Variants in NT5E observed in about 807,000 individuals in gnomAD.
NT5E encodes the protein 5'-nucleotidase ecto, also known as 5'-nucleotidase.
NT5E carries 53 observed loss-of-function variants against 55.1 expected under a neutral mutation model. The observed-to-expected ratio is 0.96, with a 90% CI of 0.77 to 1.21. The LOEUF (loss-of-function observed/expected upper bound fraction) is 1.21, where lower values mean the gene tolerates loss of function less well. NT5E is among the 50% of genes most tolerant of loss of function. The pLI is 0.00. For missense variants in NT5E, 683 were observed against 724.3 expected, an observed-to-expected ratio of 0.94 and a Z score of 0.65; for synonymous variants, 270 against 278.4, an observed-to-expected ratio of 0.97 and a Z score of 0.30.
rs775808772 is a variant in NT5E at position 85,487,483 on chromosome 6, T to C, written c.1098T>C (p.Asp366=). ...GCAACATGGGCAACCTGATTTGTGA[T>C]GCAATGGTAAGTCATCAGCAGGAGT... The part of the protein sequence containing the change: ...RECNMGNLIC[D]AMINNNLRHT... Residue 366 remains aspartate (D), a synonymous_variant, in exon 5 of 9, where the codon GAT becomes GAC. Coordinates refer to ENST00000257770, the MANE Select transcript of NT5E (RefSeq NM_002526.4). The C allele has an allele frequency of 4.3e-6, 7 of 1,614,054 alleles. No homozygotes were observed. The African/African-American group carries it at 9.3e-5, about 22-fold the overall frequency.
At chr6:85,466,597 A>G (rs1769198660) in intron 1 of NT5E, among the ~76,000 whole-genome samples, 1 of 152,170 alleles carries the variant, frequency 6.6e-6, no homozygotes, top group South Asian at 2.1e-4. Context: ...AGGAGGTGAA[A>G]TGAGGAAGGA....
At position 85,494,959 on chromosome 6, in the gene NT5E, A is replaced by G. The variant is rs1251174779; in HGVS notation, c.*955A>G. ...AGCTGTTATTTTATGAGATTCCATC[A>G]GCTCTGCCTCTGTCCTCTTTCTTCT... On this transcript the variant is annotated 3_prime_UTR_variant, in exon 9 of 9. Coordinates refer to ENST00000257770, the MANE Select transcript of NT5E (RefSeq NM_002526.4). 6.6e-6 allele frequency: 1 copy of G among 152,260 alleles called. No individual in the cohort carries two copies. 9.4% of individuals were successfully genotyped at this position (152,260 alleles called of 1,614,324 possible). A position where few individuals can be genotyped will look rare whatever the true frequency, so the allele number is the denominator to read the frequency against.
rs1360933052 is a variant in NT5E at position 85,471,331 on chromosome 6, A to G, written c.657A>G (p.Gly219=). Residue 219 remains glycine (G), a synonymous_variant, in exon 3 of 9, where the codon GGA becomes GGG. Coordinates refer to ENST00000257770, the MANE Select transcript of NT5E (RefSeq NM_002526.4). ...ATGTGAACAAAATTATTGCACTGGG[A>G]CATTCGGGTTTTGAAATGGATAAAC... ...TLNVNKIIAL[G]HSGFEMDKLI... 6.2e-7 allele frequency: 1 copy of G among 1,613,270 alleles called. No individual in the cohort carries two copies. The highest frequency in any genetic ancestry group is 8.5e-7 in the Non-Finnish European group (1 of 1,179,406).
chr6:85,483,311 A>G (rs1039743347), intron 3 of NT5E, among the ~76,000 whole-genome samples: 5 of 152,214 alleles, frequency 3.3e-5, no homozygotes, highest in African/African-American at 7.2e-5. Flanking sequence ...CCCAGCATCT[A>G]TGATCAGAGG....
At chr6:85,457,236 G>A (rs1309565288) in intron 1 of NT5E, among the ~76,000 whole-genome samples, 1 of 152,236 alleles carries the variant, frequency 6.6e-6, no homozygotes, top group Non-Finnish European at 1.5e-5. Context: ...CCATTGGACT[G>A]TACAGGGCTG....
chr6:85,479,540 T>C (rs1769498739), intron 3 of NT5E, among the ~76,000 whole-genome samples: 2 of 152,152 alleles, frequency 1.3e-5, no homozygotes, highest in Admixed American at 1.3e-4. Flanking sequence ...GAACTGGGCA[T>C]TCAGACCACT....
chr6:85,486,113 A>T (rs1211528203), intron 4 of NT5E, among the ~76,000 whole-genome samples: 1 of 152,202 alleles, frequency 6.6e-6, no homozygotes, highest in Non-Finnish European at 1.5e-5. Flanking sequence ...GGGTCATTTG[A>T]TTATGAGGTG....
Position 85,494,407 on chromosome 6 carries a change from G to A in NT5E, c.*403G>A. 5.5e-6 allele frequency: 1 copy of A among 182,952 alleles called. No homozygotes were observed. Among genetic ancestry groups the A allele is most frequent in the Non-Finnish European group, 1.2e-5 (1 of 86,556 alleles). The allele number at this position is 182,952 out of a possible 1,614,324, so 11.3% of individuals were successfully genotyped here. ...CATTTGATATCCACAACTTATTTTTGGTAGGAAAGAGAGATGTTTTTCCCA... is the reference window on the plus strand; with the variant it reads ...CATTTGATATCCACAACTTATTTTTAGTAGGAAAGAGAGATGTTTTTCCCA... On this transcript the variant is annotated 3_prime_UTR_variant, in exon 9 of 9. Transcript: ENST00000257770.
chr6:85,485,751 G>T (rs1010536885), intron 4 of NT5E, among the ~76,000 whole-genome samples: 4 of 152,196 alleles, frequency 2.6e-5, no homozygotes, highest in Non-Finnish European at 5.9e-5. Flanking sequence ...AACTAAAGGG[G>T]TTCTAATTGG....
chr6:85,489,385 G>T, intron 5 of NT5E, 109 bp from the exon 6 acceptor site: 2 of 754,672 alleles, frequency 2.7e-6, no homozygotes, highest in Non-Finnish European at 2.4e-6. Flanking sequence ...GAACACAGCA[G>T]CAGGTGAAAA....
At position 85,494,108 on chromosome 6, in the gene NT5E, C is replaced by T; in HGVS notation, c.*104C>T. Reference sequence around the variant, plus strand: ...TTTGTGACAGCAAAAACCATCTTTACAGGCTCCTAGAAGCTGAAGGTTAGA... The same window carrying T: ...TTTGTGACAGCAAAAACCATCTTTATAGGCTCCTAGAAGCTGAAGGTTAGA... On this transcript the variant is annotated 3_prime_UTR_variant, in exon 9 of 9. Coordinates refer to ENST00000257770, the MANE Select transcript of NT5E (RefSeq NM_002526.4). 1.8e-6 allele frequency: 2 copies of T among 1,084,912 alleles called. No individual in the cohort carries two copies. The highest frequency in any genetic ancestry group is 1.4e-6 in the Non-Finnish European group (1 of 720,920). The allele number at this position is 1,084,912 out of a possible 1,614,324, so 67.2% of individuals were successfully genotyped here. A position where few individuals can be genotyped will look rare whatever the true frequency, so the allele number is the denominator to read the frequency against.
Position 85,493,886 on chromosome 6 carries a change from A to G in NT5E, c.1607A>G (p.Lys536Arg), listed in dbSNP as rs764273424. The G allele has an allele frequency of 2.5e-6, 4 of 1,614,040 alleles. No individual in the cohort carries two copies. In the South Asian group the frequency reaches 4.4e-5, roughly 18 times the overall value. ...NVVSTYISKMKVIYPAVEGRI... is the reference protein window; with the variant it reads ...NVVSTYISKMRVIYPAVEGRI... Reference sequence around the variant, plus strand: ...GTTTCTACATATATCTCCAAAATGAAAGTAATTTATCCAGCAGTTGAAGGT... The same window carrying G: ...GTTTCTACATATATCTCCAAAATGAGAGTAATTTATCCAGCAGTTGAAGGT... Residue 536 changes from lysine to arginine, a missense_variant, in exon 9 of 9, where the codon AAA (lysine) becomes AGA (arginine). By Grantham distance (26) the Lys-to-Arg change is conservative (BLOSUM62 2). Transcript: ENST00000257770.
chr6:85,493,766 A>T, intron 8 of NT5E, 75 bp from the exon 9 acceptor site: 1 of 1,307,702 alleles, frequency 7.6e-7, no homozygotes. Flanking sequence ...TCCCTTTTAT[A>T]ATTACAAAGG....
intron 5 of NT5E, among the ~76,000 whole-genome samples, chr6:85,487,753 A>C (rs1769699282): frequency 6.6e-6 from 1 of 152,220 alleles, no homozygotes; most frequent in Admixed American, 6.5e-5. Context: ...TCTGTCTCTA[A>C]AATTAAATAA....
At chr6:85,460,360 A>G (rs1203097700) in intron 1 of NT5E, among the ~76,000 whole-genome samples, 7 of 152,230 alleles carry the variant, frequency 4.6e-5, no homozygotes, top group South Asian at 2.1e-4. Flanking sequence ...CTGTCAATCA[A>G]CTAGAGATGG....
chr6:85,490,518 C>T lies in NT5E; in HGVS notation c.1221C>T (p.Thr407=). 1.2e-6 allele frequency: 2 copies of T among 1,614,194 alleles called. No individual in the cohort carries two copies. Among genetic ancestry groups the T allele is most frequent in the South Asian group, 1.1e-5 (1 of 91,082 alleles). The change falls in exon 7 of 9, where the codon ACC becomes ACT. Residue 407 remains threonine (T), a synonymous_variant. Transcript: ENST00000257770. ...PIDERNNGTI[T]WENLAAVLPF... is the part of the protein sequence containing the mutation. Reference sequence around the variant, plus strand: ...TGTGACTACCCTCAGGCACAATTACCTGGGAGAACCTGGCTGCTGTATTGC... The same window carrying T: ...TGTGACTACCCTCAGGCACAATTACTTGGGAGAACCTGGCTGCTGTATTGC...
chr6:85,488,734 C>A (rs994640238), intron 5 of NT5E, among the ~76,000 whole-genome samples: 5 of 152,000 alleles, frequency 3.3e-5, no homozygotes, highest in Non-Finnish European at 7.4e-5. Context: ...GTGTCCACTA[C>A]CACACCCAGC....
At chr6:85,485,516 T>C (rs765089715) in intron 4 of NT5E, 84 bp downstream of exon 4, 42 of 1,327,840 alleles carry the variant, frequency 3.2e-5, no homozygotes, top group Non-Finnish European at 4.1e-5. Context: ...TTTCCTTTAA[T>C]GTTTCAGGAA....
intron 5 of NT5E, 33 bp downstream of exon 5, chr6:85,487,522 GGAGGAAGGAAAGGAAGAGGGAA>G (rs776843770): frequency 3.1e-6 from 5 of 1,613,364 alleles, no homozygotes; most frequent in Non-Finnish European, 4.2e-6. Flanking sequence ...CATATGCTAG[GGAGGAAGGAAAGGAAGAGGGAA>G]GAGGAAGGAA....
Sources: allele counts gnomAD v4.1 joint callset (sites outside exome capture counted in the v4.1 genomes callset), GRCh38; gene constraint gnomAD v4.1.1; transcripts MANE v1.5; gene names NCBI Gene and HGNC (gene_info 2026-07-23, HGNC 2026-07-21).